The following SEMA6D variants were observed in gnomAD, a reference collection of about 807,000 sequenced individuals.
SEMA6D encodes semaphorin 6D.
Under a neutral mutation model 106.6 loss-of-function variants are expected in SEMA6D, and 35 were observed. That is an observed-to-expected ratio of 0.33 (90% CI 0.25 to 0.44). The LOEUF (loss-of-function observed/expected upper bound fraction) is 0.44. Ranked by LOEUF, SEMA6D falls within the 20% of genes least tolerant of loss-of-function variation. SEMA6D has a pLI of 1.00. For missense variants in SEMA6D, 1,185 were observed against 1,345.9 expected (o/e 0.88, Z 1.87); for synonymous variants, 499 against 487.7 (o/e 1.02, Z -0.31).
intron 4 of SEMA6D, among the ~76,000 whole-genome samples, chr15:47,623,729 T>A (rs1341808119): frequency 1.3e-5 from 2 of 152,242 alleles, no homozygotes; most frequent in South Asian, 2.1e-4. Flanking sequence ...AGGGCTTCTG[T>A]GAGGTAATGG....
intron 1 of SEMA6D, among the ~76,000 whole-genome samples, chr15:47,345,929 C>A (rs2038027701): frequency 6.6e-6 from 1 of 152,044 alleles, no homozygotes; most frequent in South Asian, 2.1e-4. Flanking sequence ...TACACATATG[C>A]CTAAATTTAT....
At chr15:47,432,437 C>T (rs932738424) in intron 2 of SEMA6D, among the ~76,000 whole-genome samples, 2 of 152,078 alleles carry the variant, frequency 1.3e-5, no homozygotes, top group Non-Finnish European at 2.9e-5. Flanking sequence ...CTCTCCTTCT[C>T]TTCACCCTGT....
chr15:47,428,438 A>G (rs11070585), intron 2 of SEMA6D, among the ~76,000 whole-genome samples: 20 of 34,192 alleles, frequency 5.8e-4, no homozygotes, highest in South Asian at 1.3e-3. Flanking sequence ...ATGGAGAGGT[A>G]AAAAAGTATT....
chr15:47,346,930 A>C (rs1212732289), intron 1 of SEMA6D, among the ~76,000 whole-genome samples: 1 of 150,832 alleles, frequency 6.6e-6, no homozygotes, highest in Non-Finnish European at 1.5e-5. Context: ...TTTTTTTTTG[A>C]GATGGAGTCT....
intron 1 of SEMA6D, among the ~76,000 whole-genome samples, chr15:47,746,075 A>G (rs2081114479): frequency 6.6e-6 from 1 of 152,214 alleles, no homozygotes; most frequent in Admixed American, 6.5e-5. Context: ...ATTTTCAAAT[A>G]CAGAAGGCAA....
intron 1 of SEMA6D, among the ~76,000 whole-genome samples, chr15:47,224,106 A>G (rs760087982): frequency 6.6e-6 from 1 of 152,034 alleles, no homozygotes; most frequent in African/African-American, 2.4e-5. Flanking sequence ...ATGTATACAT[A>G]TGTAAGTAAC....
At chr15:47,458,155 TG>T (rs1288925736) in intron 2 of SEMA6D, among the ~76,000 whole-genome samples, 34 of 152,150 alleles carry the variant, frequency 2.2e-4, no homozygotes, top group African/African-American at 7.9e-4. Context: ...GTTAAAATTG[TG>T]AGCATATATA....
At chr15:47,293,968 A>G (rs1851220092) in intron 1 of SEMA6D, among the ~76,000 whole-genome samples, 1 of 152,166 alleles carries the variant, frequency 6.6e-6, no homozygotes, top group South Asian at 2.1e-4. Flanking sequence ...ATTGGTATTT[A>G]TTCTGCAACG....
chr15:47,347,497 G>A (rs141669769), intron 1 of SEMA6D, among the ~76,000 whole-genome samples: 1 of 152,336 alleles, frequency 6.6e-6, no homozygotes, highest in Non-Finnish European at 1.5e-5. Flanking sequence ...TAATCACAGT[G>A]CAGGCACTAG....
chr15:47,198,580 C>CTG (rs1894516023), intron 1 of SEMA6D, among the ~76,000 whole-genome samples: 1 of 152,116 alleles, frequency 6.6e-6, no homozygotes, highest in Admixed American at 6.6e-5. Flanking sequence ...AGAAGGGCTC[C>CTG]TGTGTTGTGT....
intron 4 of SEMA6D, among the ~76,000 whole-genome samples, chr15:47,658,742 A>G (rs568185953): frequency 6.6e-6 from 1 of 152,152 alleles, no homozygotes; most frequent in Non-Finnish European, 1.5e-5. Flanking sequence ...TAAGAGTAGC[A>G]ATTTGTATTA....
chr15:47,695,951 A>C (rs527406887), intron 4 of SEMA6D, among the ~76,000 whole-genome samples: 1 of 152,316 alleles, frequency 6.6e-6, no homozygotes, highest in South Asian at 2.1e-4. Flanking sequence ...GTACACATTT[A>C]AAACATTTAA....
At chr15:47,265,508 TTTAA>T (rs1296973301) in intron 1 of SEMA6D, among the ~76,000 whole-genome samples, 1 of 152,182 alleles carries the variant, frequency 6.6e-6, no homozygotes, top group South Asian at 2.1e-4. Flanking sequence ...TTTGTTTTAC[TTTAA>T]TTATGGTTTC....
At chr15:47,190,751 C>A (rs1057072592) in intron 1 of SEMA6D, among the ~76,000 whole-genome samples, 1 of 152,154 alleles carries the variant, frequency 6.6e-6, no homozygotes, top group Admixed American at 6.5e-5. Flanking sequence ...TCAATATTTT[C>A]TTCATACTAT....
intron 1 of SEMA6D, among the ~76,000 whole-genome samples, chr15:47,284,296 T>A (rs2035261037): frequency 6.6e-6 from 1 of 152,228 alleles, no homozygotes; most frequent in Non-Finnish European, 1.5e-5. Context: ...ATATAATTTT[T>A]AAAAGAGAAA....
chr15:47,760,511 G>A (rs1009979077), intron 3 of SEMA6D, 96 bp downstream of exon 3: 4 of 949,052 alleles, frequency 4.2e-6, no homozygotes, highest in Non-Finnish European at 6.3e-6. Context: ...ATATGTGATT[G>A]TGATCAAAAA....
intron 1 of SEMA6D, among the ~76,000 whole-genome samples, chr15:47,390,887 C>T (rs891619090): frequency 2.0e-5 from 3 of 152,008 alleles, no homozygotes; most frequent in Non-Finnish European, 2.9e-5. Context: ...CTCCTATTTG[C>T]AATTAATAAC....
At chr15:47,658,031 C>T (rs764755379) in intron 4 of SEMA6D, among the ~76,000 whole-genome samples, 2 of 151,762 alleles carry the variant, frequency 1.3e-5, no homozygotes, top group Admixed American at 6.6e-5. Flanking sequence ...TGAGCCACCA[C>T]GCCCAGCAGG....
intron 1 of SEMA6D, among the ~76,000 whole-genome samples, chr15:47,377,741 A>G (rs974579283): frequency 1.3e-5 from 2 of 152,098 alleles, no homozygotes; most frequent in African/African-American, 4.8e-5. Context: ...AGTAAGTGTA[A>G]TCTTATAGGT....
Sources: gnomAD v4.1 joint callset for allele counts (sites outside exome capture counted in the v4.1 genomes callset) on GRCh38, gnomAD v4.1.1 for gene constraint, MANE v1.5 for transcripts, NCBI Gene and HGNC (gene_info 2026-07-23, HGNC 2026-07-21) for gene names.